SNX10: variants seen among roughly 807,000 people sequenced by gnomAD.
SNX10 encodes sorting nexin 10.
SNX10 carries 25 observed loss-of-function variants against 28.5 expected under a neutral mutation model. The ratio of observed to expected loss-of-function variants is 0.88; its 90% CI spans 0.64 to 1.22. The LOEUF (loss-of-function observed/expected upper bound fraction) is 1.22, where lower values mean the gene tolerates loss of function less well. SNX10 is among the 50% of genes most tolerant of loss of function. The pLI is 0.00. For synonymous variants in SNX10, 62 were observed against 81.4 expected (o/e 0.76, Z 1.28); for missense variants, 223 against 242.6 (o/e 0.92, Z 0.54).
At chr7:26,339,557 AGAGTCTC>A (rs1788099253) in intron 1 of SNX10, among the ~76,000 whole-genome samples, 1 of 92,854 alleles carries the variant, frequency 1.1e-5, no homozygotes, top group African/African-American at 5.0e-5. Flanking sequence ...TTTTTTTGAC[AGAGTCTC>A]ACTCACCCAG....
intron 1 of SNX10, among the ~76,000 whole-genome samples, chr7:26,341,226 G>A (rs1467567919): frequency 6.6e-6 from 1 of 152,178 alleles, no homozygotes; most frequent in African/African-American, 2.4e-5. Flanking sequence ...TTGAGCCTAG[G>A]AATCTGAGGC....
chr7:26,330,318 G>A (rs1787689266), intron 1 of SNX10, among the ~76,000 whole-genome samples: 1 of 152,082 alleles, frequency 6.6e-6, no homozygotes, highest in Admixed American at 6.6e-5. Context: ...AGGGGGAGGA[G>A]GTTGGTCACA....
At chr7:26,344,163 T>C (rs1411688478) in intron 1 of SNX10, among the ~76,000 whole-genome samples, 2 of 148,284 alleles carry the variant, frequency 1.3e-5, no homozygotes, top group African/African-American at 5.0e-5. Context: ...CCATTCTACT[T>C]TCTGTCTCTG....
chr7:26,311,322 A>G (rs958535017), intron 1 of SNX10, among the ~76,000 whole-genome samples: 4 of 151,922 alleles, frequency 2.6e-5, no homozygotes, highest in Admixed American at 2.6e-4. Context: ...GCTAATTTTT[A>G]ATATTTTTAG....
intron 1 of SNX10, among the ~76,000 whole-genome samples, chr7:26,317,911 TC>T (rs1787153923): frequency 6.6e-6 from 1 of 152,136 alleles, no homozygotes; most frequent in African/African-American, 2.4e-5. Flanking sequence ...TCTGCCTGCC[TC>T]GGCCTCTCAA....
chr7:26,333,695 C>A, intron 1 of SNX10, among the ~76,000 whole-genome samples: 1 of 152,070 alleles, frequency 6.6e-6, no homozygotes, highest in Non-Finnish European at 1.5e-5. Context: ...TTACTCTTAC[C>A]AGGTGAAGGG....
intron 6 of SNX10, 147 bp downstream of exon 6, chr7:26,372,180 T>C (rs994693339): frequency 3.2e-5 from 20 of 631,626 alleles, no homozygotes; most frequent in South Asian, 2.0e-4. Context: ...TGAGATTTTA[T>C]TGAGCTGTGA....
intron 2 of SNX10, among the ~76,000 whole-genome samples, chr7:26,355,011 T>G (rs1788762117): frequency 1.3e-5 from 2 of 152,228 alleles, no homozygotes; most frequent in African/African-American, 4.8e-5. Context: ...TTGATTTTTG[T>G]ATAAGGTGCA....
At chr7:26,356,347 C>T (rs1000915032) in intron 2 of SNX10, among the ~76,000 whole-genome samples, 14 of 152,184 alleles carry the variant, frequency 9.2e-5, no homozygotes, top group Admixed American at 7.9e-4. Flanking sequence ...ATTAAATTGA[C>T]TAACTGCAGC....
intron 1 of SNX10, among the ~76,000 whole-genome samples, chr7:26,321,193 C>T (rs1014188196): frequency 1.3e-5 from 2 of 152,102 alleles, no homozygotes; most frequent in Admixed American, 6.5e-5. Flanking sequence ...TAAGGTAGGC[C>T]GAGTAGCATG....
chr7:26,344,929 T>TC (rs1788321834), intron 1 of SNX10, among the ~76,000 whole-genome samples: 1 of 152,196 alleles, frequency 6.6e-6, no homozygotes, highest in Admixed American at 6.5e-5. Flanking sequence ...AGAGCCCTGC[T>TC]CCCCTGCAGA....
chr7:26,367,188 A>G (rs1243649658), intron 5 of SNX10, among the ~76,000 whole-genome samples: 1 of 152,190 alleles, frequency 6.6e-6, no homozygotes, highest in Non-Finnish European at 1.5e-5. Context: ...TCTAAAAACC[A>G]TGCAGCGATC....
chr7:26,312,423 T>G lies in SNX10; in HGVS notation c.-24+20337T>G, dbSNP rs145020568. The stretch of plus-strand genomic sequence containing the variant: ...TTCCCTAATACAAAAAGAACTCCTA[T>G]GAACCAATAAGGAAAAGAACAGGAA... On this transcript the variant is annotated intron_variant, in intron 1 of 6. Coordinates refer to ENST00000338523, the MANE Select transcript of SNX10 (RefSeq NM_013322.3). Among the ~76,000 whole-genome samples the G allele has an allele frequency of 1.9e-3, 288 of 152,306 alleles. 1 individual carries two copies. The highest frequency in any genetic ancestry group is 6.7e-3 in the African/African-American group (278 of 41,576).
chr7:26,294,564 T>C (rs990576239), intron 1 of SNX10, among the ~76,000 whole-genome samples: 1 of 152,242 alleles, frequency 6.6e-6, no homozygotes, highest in Non-Finnish European at 1.5e-5. Flanking sequence ...TCATTAAGCA[T>C]CACAACAGAC....
At chr7:26,329,936 G>A (rs1329003178) in intron 1 of SNX10, among the ~76,000 whole-genome samples, 1 of 152,138 alleles carries the variant, frequency 6.6e-6, no homozygotes, top group Non-Finnish European at 1.5e-5. Flanking sequence ...CACAGTGGAA[G>A]GACGGGAGGT....
At chr7:26,304,554 G>C (rs1361422680) in intron 1 of SNX10, among the ~76,000 whole-genome samples, 1 of 152,174 alleles carries the variant, frequency 6.6e-6, no homozygotes, top group Non-Finnish European at 1.5e-5. Flanking sequence ...AGAGGGTCAG[G>C]GGGGATTACA....
In SNX10 at chr7:26,322,267, T is replaced by C. The variant is rs527536335; in HGVS notation, c.-23-24153T>C. On this transcript the variant is annotated intron_variant, in intron 1 of 6. Coordinates refer to ENST00000338523, the MANE Select transcript of SNX10 (RefSeq NM_013322.3). The stretch of plus-strand genomic sequence containing the variant: ...GATTACTAAAATGTAAAAAAGAACA[T>C]TGGGAGTCTTGCACAGGATTGCTAA... Among the ~76,000 whole-genome samples, 33 of 152,254 alleles carry C rather than the reference T, an allele frequency of 2.2e-4. No individual in the cohort carries two copies. In the South Asian group the frequency reaches 2.5e-3, roughly 11 times the overall value.
At chr7:26,333,301 T>C (rs1182969188) in intron 1 of SNX10, among the ~76,000 whole-genome samples, 1 of 151,700 alleles carries the variant, frequency 6.6e-6, no homozygotes, top group Non-Finnish European at 1.5e-5. Context: ...TTTTGTTAAA[T>C]GTAATCCTAG....
chr7:26,305,372 A>G (rs148184098), intron 1 of SNX10, among the ~76,000 whole-genome samples: 118 of 152,308 alleles, frequency 7.7e-4, no homozygotes, highest in Middle Eastern at 6.8e-3. Context: ...ACAAACACAC[A>G]CAAAAGAGTT....
Sources: allele counts gnomAD v4.1 joint callset (sites outside exome capture counted in the v4.1 genomes callset), GRCh38; gene constraint gnomAD v4.1.1; transcripts MANE v1.5; gene names NCBI Gene and HGNC (gene_info 2026-07-23, HGNC 2026-07-21).